Variants in LDLRAD4 observed in about 807,000 individuals in gnomAD.
LDLRAD4 encodes the protein low-density lipoprotein receptor class A domain-containing protein 4.
LDLRAD4 carries 5 observed loss-of-function variants against 17.0 expected under a neutral mutation model. The observed-to-expected ratio is 0.29, with a 90% confidence interval of 0.15 to 0.62. The LOEUF is 0.62. Among genes scored for constraint, LDLRAD4 ranks in the 20% least tolerant of loss-of-function variants. LDLRAD4 has a pLI of 0.84. For missense variants in LDLRAD4, 340 were observed against 424.7 expected (o/e 0.80, Z 1.75); for synonymous variants, 168 against 171.8 (o/e 0.98, Z 0.17).
At chr18:13,627,832 G>A (rs1320700565) in intron 4 of LDLRAD4, among the ~76,000 whole-genome samples, 1 of 152,220 alleles carries the variant, frequency 6.6e-6, no homozygotes, top group Non-Finnish European at 1.5e-5. Flanking sequence ...GCTGGCCTTG[G>A]GAGCAGCGGT....
chr18:13,242,955 G>A (rs759097913), intron 1 of LDLRAD4, among the ~76,000 whole-genome samples: 11 of 152,098 alleles, frequency 7.2e-5, no homozygotes, highest in Non-Finnish European at 1.6e-4. Context: ...GAGCTTTCCC[G>A]GGCTGGGTGC....
intron 3 of LDLRAD4, chr18:13,471,755 G>C (rs1362268353): frequency 1.3e-5 from 2 of 152,502 alleles, no homozygotes; most frequent in East Asian, 3.9e-4. Flanking sequence ...TGGCCCCGTG[G>C]CTTCTGCCAA....
At chr18:13,437,631 A>G (rs2090753139) in intron 2 of LDLRAD4, among the ~76,000 whole-genome samples, 1 of 152,234 alleles carries the variant, frequency 6.6e-6, no homozygotes, top group East Asian at 1.9e-4. Context: ...CAGAAAGCAC[A>G]CATGATTTTC....
chr18:13,601,992 T>C (rs2095168845), intron 3 of LDLRAD4, among the ~76,000 whole-genome samples: 1 of 152,184 alleles, frequency 6.6e-6, no homozygotes. Flanking sequence ...AAGAATGAAA[T>C]CATGTCCTTT....
chr18:13,597,994 A>T (rs548449172), intron 3 of LDLRAD4, among the ~76,000 whole-genome samples: 2 of 152,250 alleles, frequency 1.3e-5, no homozygotes, highest in Admixed American at 6.5e-5. Flanking sequence ...GGCTATTGTG[A>T]AGTTTTTGTT....
chr18:13,409,697 GAA>G (rs1377918825), intron 2 of LDLRAD4, among the ~76,000 whole-genome samples: 3 of 152,196 alleles, frequency 2.0e-5, no homozygotes, highest in African/African-American at 7.2e-5. Flanking sequence ...AGCTGGAGGA[GAA>G]GAGTTTCAGA....
At chr18:13,495,386 T>C (rs999100136) in intron 3 of LDLRAD4, among the ~76,000 whole-genome samples, 13 of 152,172 alleles carry the variant, frequency 8.5e-5, no homozygotes, top group African/African-American at 2.4e-5. Context: ...ACAATTGAGA[T>C]TGTAAATGTA....
chr18:13,477,988 G>T (rs1319924058), intron 3 of LDLRAD4, among the ~76,000 whole-genome samples: 4 of 152,212 alleles, frequency 2.6e-5, no homozygotes, highest in Non-Finnish European at 5.9e-5. Flanking sequence ...TTACTCATCT[G>T]CTCCCACTGA....
At chr18:13,508,552 A>G (rs892159634) in intron 3 of LDLRAD4, among the ~76,000 whole-genome samples, 1 of 152,220 alleles carries the variant, frequency 6.6e-6, no homozygotes, top group African/African-American at 2.4e-5. Context: ...TCCCATTCCA[A>G]AAATCCTAGG....
intron 3 of LDLRAD4, among the ~76,000 whole-genome samples, chr18:13,468,678 T>G (rs1191793735): frequency 6.6e-6 from 1 of 152,038 alleles, no homozygotes; most frequent in South Asian, 2.1e-4. Context: ...CCATAAAAAA[T>G]GATGAGTTCA....
rs1434057100 is a variant in LDLRAD4, at chr18:13,630,652, A to G, written c.336+9381A>G. Among the ~76,000 whole-genome samples, 4 of 152,360 alleles carry G rather than the reference A, an allele frequency of 2.6e-5. No homozygotes were observed. In the East Asian group the frequency reaches 7.7e-4, roughly 29 times the overall value. On this transcript the variant is annotated intron_variant, in intron 4 of 5. Coordinates refer to ENST00000359446, the Ensembl canonical transcript of LDLRAD4. The stretch of plus-strand genomic sequence containing the variant: ...CTGACCGAGGTGCCTAGAGAGGAAT[A>G]TGCCCTCTGTCCTCAGTTTCCCCCC...
intron 2 of LDLRAD4, among the ~76,000 whole-genome samples, chr18:13,414,929 A>G (rs1448056524): frequency 6.6e-6 from 1 of 152,224 alleles, no homozygotes; most frequent in Admixed American, 6.5e-5. Flanking sequence ...GTTTTCATGC[A>G]TGACCTTGGA....
chr18:13,445,622 CGTGT>C (rs202132115), intron 3 of LDLRAD4, among the ~76,000 whole-genome samples: 3 of 147,956 alleles, frequency 2.0e-5, no homozygotes, highest in Non-Finnish European at 4.5e-5. Flanking sequence ...AGTGTGTGTG[CGTGT>C]GTGTGTGAGA....
chr18:13,266,638 C>T (rs73951941), intron 1 of LDLRAD4, among the ~76,000 whole-genome samples: 6,749 of 152,344 alleles, frequency 0.044, 502 homozygotes, highest in African/African-American at 0.15. Context: ...GGCAGGCTGC[C>T]GCAGGGCCTC....
chr18:13,430,040 G>C (rs921145664), intron 2 of LDLRAD4, among the ~76,000 whole-genome samples: 4 of 152,228 alleles, frequency 2.6e-5, no homozygotes, highest in Non-Finnish European at 4.4e-5. Context: ...CCCAGGCAGT[G>C]ACGGGCTCTT....
At chr18:13,501,133 G>A (rs537582170) in intron 3 of LDLRAD4, 3 of 152,210 alleles carry the variant, frequency 2.0e-5, no homozygotes, top group Non-Finnish European at 2.9e-5. Context: ...TTGAGGCCGG[G>A]GGGTGGAGTA....
At chr18:13,224,109 C>CTCCTGTTTT (rs1352223035) in intron 1 of LDLRAD4, among the ~76,000 whole-genome samples, 1 of 152,208 alleles carries the variant, frequency 6.6e-6, no homozygotes, top group Non-Finnish European at 1.5e-5. Flanking sequence ...GTTTTTAATC[C>CTCCTGTTTT]TAATCTCTGC....
intron 1 of LDLRAD4, among the ~76,000 whole-genome samples, chr18:13,345,810 G>A (rs1367095067): frequency 1.3e-5 from 2 of 152,038 alleles, no homozygotes; most frequent in African/African-American, 2.4e-5. Flanking sequence ...GTCTTGGGAG[G>A]GTGTATGTGT....
At chr18:13,450,841 T>C (rs2091788336) in intron 3 of LDLRAD4, among the ~76,000 whole-genome samples, 1 of 152,070 alleles carries the variant, frequency 6.6e-6, no homozygotes, top group Non-Finnish European at 1.5e-5. Flanking sequence ...GGGAGACGCC[T>C]GGGCAGGGAT....
Sources: gnomAD v4.1 joint callset for allele counts (sites outside exome capture counted in the v4.1 genomes callset) on GRCh38, gnomAD v4.1.1 for gene constraint, MANE v1.5 for transcripts, NCBI Gene and HGNC (gene_info 2026-07-23, HGNC 2026-07-21) for gene names.